The following DMXL2 variants were observed in gnomAD, a reference collection of about 807,000 sequenced individuals.
DMXL2 encodes Dmx like 2.
In DMXL2, 103 loss-of-function variants were observed where a neutral mutation model predicts 331.1. The ratio of observed to expected loss-of-function variants is 0.31; its 90% confidence interval spans 0.27 to 0.37. The LOEUF is 0.37. DMXL2 is among the 10% of genes least tolerant of loss of function. The pLI, the probability that DMXL2 is intolerant of heterozygous loss-of-function variation, is 1.00. For synonymous variants in DMXL2, 1,281 were observed against 1,252.1 expected (o/e 1.02, Z -0.49); for missense variants, 3,171 against 3,642.9 (o/e 0.87, Z 3.33).
intron 43 of DMXL2, 49 bp downstream of exon 43, chr15:51,450,080 C>T (rs1254097047): frequency 3.3e-6 from 5 of 1,529,390 alleles, no homozygotes; most frequent in Admixed American, 3.9e-5. Context: ...TTTGTTTTTT[C>T]TCTTTCCAAT....
At chr15:51,594,116 A>G (rs1202330167) in intron 1 of DMXL2, among the ~76,000 whole-genome samples, 2 of 152,090 alleles carry the variant, frequency 1.3e-5, no homozygotes. Context: ...AAAAAAATCA[A>G]TGAATCCAGA....
At chr15:51,582,738 AATC>A (rs1213750004) in intron 1 of DMXL2, among the ~76,000 whole-genome samples, 2 of 152,178 alleles carry the variant, frequency 1.3e-5, no homozygotes, top group Admixed American at 6.5e-5. Context: ...TATACATTGA[AATC>A]ATGTACAAGG....
At chr15:51,605,779 A>AAG (rs1368821801) in intron 1 of DMXL2, among the ~76,000 whole-genome samples, 1 of 122,412 alleles carries the variant, frequency 8.2e-6, no homozygotes. Flanking sequence ...TCCTGACCTC[A>AAG]TGATCCACCC....
At chr15:51,598,045 A>G (rs1265057564) in intron 1 of DMXL2, among the ~76,000 whole-genome samples, 1 of 152,164 alleles carries the variant, frequency 6.6e-6, no homozygotes, top group Non-Finnish European at 1.5e-5. Flanking sequence ...AGATGTTGCA[A>G]TTCTTTTCTC....
At chr15:51,486,009 C>T (rs866843120) in intron 23 of DMXL2, 64 bp downstream of exon 23, 18 of 1,459,210 alleles carry the variant, frequency 1.2e-5, no homozygotes, top group African/African-American at 5.7e-5. Flanking sequence ...TCTAAGTGAA[C>T]ATTAGTTCAG....
chr15:51,481,415 G>T lies in DMXL2; in HGVS notation c.5691C>A (p.Cys1897Ter). 6.2e-7 allele frequency: 1 copy of T among 1,611,770 alleles called. No homozygotes were observed. Among genetic ancestry groups the T allele is most frequent in the Non-Finnish European group, 8.5e-7 (1 of 1,178,928 alleles). The change falls in exon 24 of 44, where the codon TGC (cysteine) becomes TGA (stop). Residue 1897 changes from cysteine (C) to a stop codon, truncating the protein, a stop_gained. Coordinates refer to ENST00000560891, the MANE Select transcript of DMXL2 (RefSeq NM_001378457.1). LOFTEE classifies it high-confidence loss of function. ...AGAGTACCTCCAAGGCTAAAACAGG[G>T]CATCCAACTTTAAAATGAGCATTTG... ...TTANAHFKVG[C>*]PVLALEVLSK...
At chr15:51,476,056 G>A (rs2041555202) in intron 27 of DMXL2, among the ~76,000 whole-genome samples, 1 of 152,056 alleles carries the variant, frequency 6.6e-6, no homozygotes, top group African/African-American at 2.4e-5. Flanking sequence ...CAAGGCAATG[G>A]TTACAGTAAT....
Position 51,535,713 on chromosome 15 carries a change from C to A in DMXL2, c.2386G>T (p.Val796Leu), listed in dbSNP as rs1329407505. 1 of 1,609,614 alleles carries A rather than the reference C, an allele frequency of 6.2e-7. No homozygotes were observed. ...DGKNLRLYQA[V>L]VDARKLLDEL... ...TCTAATAATTTCCTTGCATCCACTA[C>A]AGCTTGATAGAGTCTCAGATTTTTG... Residue 796 changes from valine to leucine, a missense_variant, in exon 13 of 44, where the codon GTA (valine) becomes TTA (leucine). By Grantham distance (32) the Val-to-Leu change is conservative. Coordinates refer to ENST00000560891, the MANE Select transcript of DMXL2 (RefSeq NM_001378457.1).
At chr15:51,497,086 T>C (rs890805504) in intron 18 of DMXL2, among the ~76,000 whole-genome samples, 1 of 152,228 alleles carries the variant, frequency 6.6e-6, no homozygotes, top group Non-Finnish European at 1.5e-5. Context: ...TAATATATAT[T>C]AAACACACAA....
rs2043373574 is a variant in DMXL2, at chr15:51,498,862, C to G, written c.4362G>C (p.Gln1454His). 6.2e-7 allele frequency: 1 copy of G among 1,614,132 alleles called. No homozygotes were observed. ...GACTTACTGTCTGATCTTCATAGCT[C>G]TGTGGTATCTTTGTACTTTCTTCTG... ...RISEESTKIP[Q>H]SYEDQTVSQP... The change falls in exon 18 of 44, where the codon CAG becomes CAC. Residue 1454 changes from glutamine to histidine, a missense_variant. By Grantham distance (24) the Gln-to-His change is conservative. Transcript: ENST00000560891.
chr15:51,616,800 G>A (rs909059835), intron 1 of DMXL2, among the ~76,000 whole-genome samples: 2 of 151,968 alleles, frequency 1.3e-5, no homozygotes, highest in Non-Finnish European at 2.9e-5. Flanking sequence ...AGCCTGGCAT[G>A]GTGGCACGCA....
At chr15:51,615,519 T>C (rs1253516821) in intron 1 of DMXL2, among the ~76,000 whole-genome samples, 2 of 152,218 alleles carry the variant, frequency 1.3e-5, no homozygotes, top group Non-Finnish European at 1.5e-5. Flanking sequence ...TCCTCACTAG[T>C]TGGCAGTACC....
At position 51,471,341 on chromosome 15, in the gene DMXL2, A is replaced by G. The variant is rs1246626002; in HGVS notation, c.7274T>C (p.Leu2425Pro). 5.6e-6 allele frequency: 9 copies of G among 1,614,062 alleles called. No individual in the cohort carries two copies. Among genetic ancestry groups the G allele is most frequent in the South Asian group, 1.1e-5 (1 of 91,070 alleles). ...KHRRRFNMRM[L>P]VPGRPVKDAT... ...ATCTTTTACAGGCCTTCCAGGGACGAGCATTCTCATGTTAAATCTCCTACG... is the reference window on the plus strand; with the variant it reads ...ATCTTTTACAGGCCTTCCAGGGACGGGCATTCTCATGTTAAATCTCCTACG... The change falls in exon 29 of 44, where the codon CTC becomes CCC. Residue 2425 changes from leucine (L) to proline (P), a missense_variant. Leu to Pro is a moderately conservative substitution (Grantham distance 98). Coordinates refer to ENST00000560891, the MANE Select transcript of DMXL2 (RefSeq NM_001378457.1).
At chr15:51,561,295 A>G (rs2049953491) in intron 6 of DMXL2, among the ~76,000 whole-genome samples, 1 of 152,228 alleles carries the variant, frequency 6.6e-6, no homozygotes, top group African/African-American at 2.4e-5. Context: ...TTAGTTGGAT[A>G]GTGTGCTTTG....
intron 23 of DMXL2, 37 bp downstream of exon 23, chr15:51,486,036 T>C (rs775945000): frequency 6.5e-7 from 1 of 1,528,446 alleles, no homozygotes; most frequent in African/African-American, 1.4e-5. Context: ...TCTCTTCCTT[T>C]AAAAAAGAAA....
rs2049412193 is a variant in DMXL2, at chr15:51,554,342, G to T, written c.568-6934C>A. 3.3e-5 allele frequency among the ~76,000 whole-genome samples: 5 copies of T among 152,146 alleles called. No individual in the cohort carries two copies. In the South Asian group the frequency reaches 1.0e-3, roughly 32 times the overall value. ...AAAGACAAATCTGTGAGTTTTTTCA[G>T]TCAAATTTTAGGAGTAATGGGGTAT... On this transcript the variant is annotated intron_variant, in intron 6 of 43. Transcript: ENST00000560891.
In DMXL2 at chr15:51,500,362, TCCTCTTAA is replaced by T. The variant is rs2043501390; in HGVS notation, c.2993-139_2993-132del. 8.7e-6 allele frequency: 8 copies of T among 921,064 alleles called. No individual in the cohort carries two copies. The East Asian group carries it at 2.1e-4, about 25-fold the overall frequency. 57.1% of individuals were successfully genotyped at this position (921,064 alleles called of 1,614,324 possible). ...CTTCTTCAGAATATCTCTGCAGTCT[TCCTCTTAA>T]CTAGTATCCCACTAAATGTCCATTG... On this transcript the variant is annotated intron_variant, in intron 17 of 43. Coordinates refer to ENST00000560891, the MANE Select transcript of DMXL2 (RefSeq NM_001378457.1).
rs758700428 is a variant in DMXL2, at chr15:51,514,579, T to A, written c.2527-20A>T. ...GCCACACTACAAATACAAAAAAAAA[T>A]GAAGAGGTTTTATCTTTGAAATTCC... On this transcript the variant is annotated intron_variant, in intron 14 of 43. Coordinates refer to ENST00000560891, the MANE Select transcript of DMXL2 (RefSeq NM_001378457.1). The A allele has an allele frequency of 2.5e-5, 36 of 1,444,204 alleles. No homozygotes were observed. The South Asian group carries it at 4.0e-4, about 16-fold the overall frequency. The allele number at this position is 1,444,204 out of a possible 1,614,324, so 89.5% of individuals were successfully genotyped here. A position where few individuals can be genotyped will look rare whatever the true frequency, so the allele number is the denominator to read the frequency against.
At chr15:51,576,225 G>A (rs1595584619) in intron 1 of DMXL2, 44 bp from the exon 2 acceptor site, 3 of 1,219,068 alleles carry the variant, frequency 2.5e-6, no homozygotes, top group Non-Finnish European at 3.2e-6. Context: ...CATAAGATAT[G>A]TAACTTTTGA....
Sources: allele counts gnomAD v4.1 joint callset (sites outside exome capture counted in the v4.1 genomes callset), GRCh38; gene constraint gnomAD v4.1.1; transcripts MANE v1.5; gene names NCBI Gene and HGNC (gene_info 2026-07-23, HGNC 2026-07-21).